The following DYTN variants were observed in gnomAD, a reference collection of about 807,000 sequenced individuals.
DYTN encodes the protein dystrotelin.
DYTN carries 75 observed loss-of-function variants against 69.6 expected under a neutral mutation model. The ratio of observed to expected loss-of-function variants is 1.08; its 90% confidence interval spans 0.89 to 1.31. DYTN has a LOEUF of 1.31. DYTN is among the 50% of genes most tolerant of loss of function. The probability of loss-of-function intolerance (pLI) is 0.00; values close to 1 mark genes in which losing one functional copy is unlikely to be tolerated. For synonymous variants in DYTN, 252 were observed against 249.1 expected (o/e 1.01, Z -0.11); for missense variants, 726 against 688.4 (o/e 1.05, Z -0.61).
rs1184904008 is a variant in DYTN at position 206,694,771 on chromosome 2, T to C, written c.826A>G (p.Ile276Val). The stretch of plus-strand genomic sequence containing the variant: ...TATGTGACATTAAATGTTACCTGAA[T>C]GCAGTGCTCAATGACAGGATGAGAC... Reference protein sequence around the residue: ...QKSHPVIEHCIQMSAMQNTKL... With the variant: ...QKSHPVIEHCVQMSAMQNTKL... The change falls in exon 8 of 12, where the codon ATT becomes GTT. Residue 276 changes from isoleucine to valine, a missense_variant. Physicochemically the swap from Ile to Val is conservative, Grantham distance 29 (BLOSUM62 3). Coordinates refer to ENST00000452335, the MANE Select transcript of DYTN (RefSeq NM_001093730.1). 5.0e-6 allele frequency: 8 copies of C among 1,604,858 alleles called. No individual in the cohort carries two copies. Among genetic ancestry groups the C allele is most frequent in the African/African-American group, 1.3e-5 (1 of 74,284 alleles).
intron 9 of DYTN, among the ~76,000 whole-genome samples, chr2:206,688,819 T>A (rs540988710): frequency 6.6e-5 from 10 of 152,314 alleles, no homozygotes; most frequent in African/African-American, 2.4e-4. Flanking sequence ...TTGGGTCTTG[T>A]ATCTTTTTTG....
chr2:206,678,763 T>C (rs1355063823), intron 9 of DYTN, among the ~76,000 whole-genome samples: 1 of 152,214 alleles, frequency 6.6e-6, no homozygotes, highest in Non-Finnish European at 1.5e-5. Context: ...AGTGGGGTAA[T>C]AGCGGATTAT....
intron 5 of DYTN, 60 bp from the exon 6 acceptor site, chr2:206,700,276 G>T: frequency 1.3e-6 from 2 of 1,594,130 alleles, no homozygotes; most frequent in South Asian, 1.1e-5. Context: ...GTCTCCGGGA[G>T]CAGCAGGGCT....
intron 9 of DYTN, among the ~76,000 whole-genome samples, chr2:206,672,613 G>A (rs1405174855): frequency 3.3e-5 from 5 of 152,196 alleles, no homozygotes; most frequent in African/African-American, 1.2e-4. Context: ...GTGGCCACTT[G>A]TCACTGGATG....
Position 206,704,916 on chromosome 2 carries a change from C to T in DYTN, c.410G>A (p.Ser137Asn), listed in dbSNP as rs200720001. Reference protein sequence around the residue: ...RALFQLYAENSRGGYDSGPRM... With the variant: ...RALFQLYAENNRGGYDSGPRM... The stretch of plus-strand genomic sequence containing the variant: ...TGGCCCAGAATCATAGCCTCCCCTG[C>T]TATTTTCTGCATAGAGTTGAAAAAG... Residue 137 changes from serine to asparagine, a missense_variant, in exon 5 of 12, where the codon AGC becomes AAC. By Grantham distance (46) the Ser-to-Asn change is conservative. Coordinates refer to ENST00000452335, the MANE Select transcript of DYTN (RefSeq NM_001093730.1). 1.0e-4 allele frequency: 169 copies of T among 1,613,748 alleles called. No homozygotes were observed. The highest frequency in any genetic ancestry group is 1.7e-4 in the Middle Eastern group (1 of 6,060).
chr2:206,666,910 G>A (rs1472009982), intron 9 of DYTN, among the ~76,000 whole-genome samples: 1 of 151,688 alleles, frequency 6.6e-6, no homozygotes, highest in Non-Finnish European at 1.5e-5. Context: ...TTAGCTGAGT[G>A]CGGTGGCACC....
chr2:206,708,205 A>G (rs920454279), intron 2 of DYTN, among the ~76,000 whole-genome samples: 10 of 152,210 alleles, frequency 6.6e-5, no homozygotes, highest in African/African-American at 2.4e-4. Context: ...ACCTTCTCCT[A>G]AAATTTTTAC....
chr2:206,687,265 T>C (rs957669715), intron 9 of DYTN: 5 of 155,816 alleles, frequency 3.2e-5, no homozygotes, highest in African/African-American at 9.6e-5. Flanking sequence ...CTACTTGATG[T>C]GGGACTGAAT....
intron 11 of DYTN, among the ~76,000 whole-genome samples, chr2:206,659,484 C>CAAAAA (rs772861150): frequency 4.6e-5 from 3 of 64,572 alleles, no homozygotes; most frequent in African/African-American, 5.7e-5. Context: ...CAACAATTCT[C>CAAAAA]AAAAAAAAAA....
chr2:206,710,885 A>AT (rs1456882844), intron 1 of DYTN, among the ~76,000 whole-genome samples: 9 of 152,222 alleles, frequency 5.9e-5, no homozygotes. Context: ...AACAAACAGG[A>AT]TAAAAAAAAC....
intron 2 of DYTN, among the ~76,000 whole-genome samples, chr2:206,709,495 G>A (rs527250043): frequency 3.6e-3 from 540 of 151,622 alleles, no homozygotes; most frequent in Middle Eastern, 0.01. Context: ...AAGCAAACAC[G>A]GTATGGAAAA....
intron 9 of DYTN, among the ~76,000 whole-genome samples, chr2:206,668,228 C>G (rs1699594800): frequency 6.6e-6 from 1 of 152,188 alleles, no homozygotes. Flanking sequence ...CTCTTTTCCT[C>G]ATGTTGTCCA....
At chr2:206,699,983 G>C (rs948125298) in intron 6 of DYTN, 93 bp from the exon 7 acceptor site, 5 of 1,547,290 alleles carry the variant, frequency 3.2e-6, no homozygotes, top group Non-Finnish European at 4.4e-6. Flanking sequence ...TTCTGCTGAA[G>C]AAGTTTATCA....
At position 206,662,975 on chromosome 2, in the gene DYTN, C is replaced by T; in HGVS notation, c.1561G>A (p.Glu521Lys). The T allele has an allele frequency of 6.2e-7, 1 of 1,613,864 alleles. No individual in the cohort carries two copies. Among genetic ancestry groups the T allele is most frequent in the Non-Finnish European group, 8.5e-7 (1 of 1,179,872 alleles). The change falls in exon 11 of 12, where the codon GAG (glutamate) becomes AAG (lysine). Residue 521 changes from glutamate to lysine, a missense_variant. Glu to Lys is a moderately conservative substitution (Grantham distance 56). Coordinates refer to ENST00000452335, the MANE Select transcript of DYTN (RefSeq NM_001093730.1). ...EAGNIKERKD[E>K]LEEEELQELL... ...TCTTGCAGTTCCTCTTCCTCCAGCTCATCCTTTCTCTCCTTGATGTTACCT... is the reference window on the plus strand; with the variant it reads ...TCTTGCAGTTCCTCTTCCTCCAGCTTATCCTTTCTCTCCTTGATGTTACCT...
Position 206,699,803 on chromosome 2 carries a change from G to C in DYTN, c.643C>G (p.Arg215Gly), listed in dbSNP as rs774273085. 6.2e-7 allele frequency: 1 copy of C among 1,613,864 alleles called. No homozygotes were observed. Among genetic ancestry groups the C allele is most frequent in the Admixed American group, 1.7e-5 (1 of 59,994 alleles). ...PILLWLPTCH[R>G]LSAAERVTHP... ...GTGACCCTTTCAGCAGCTGATAACC[G>C]GTGGCAGGTCGGGAGCCACAGGAGG... Residue 215 changes from arginine (R) to glycine (G), a missense_variant, in exon 7 of 12, where the codon CGG becomes GGG. Physicochemically the swap from Arg to Gly is moderately radical, Grantham distance 125. Coordinates refer to ENST00000452335, the MANE Select transcript of DYTN (RefSeq NM_001093730.1).
intron 11 of DYTN, among the ~76,000 whole-genome samples, chr2:206,660,048 C>T (rs1699496118): frequency 6.7e-6 from 1 of 150,096 alleles, no homozygotes; most frequent in Admixed American, 6.7e-5. Flanking sequence ...CCATTCTGCT[C>T]ATATCATAAG....
intron 9 of DYTN, among the ~76,000 whole-genome samples, chr2:206,683,008 C>A (rs577665203): frequency 3.4e-4 from 51 of 152,100 alleles, no homozygotes; most frequent in African/African-American, 1.2e-3. Context: ...AAAAAGATCA[C>A]ATAATTGGCT....
chr2:206,713,261 ATTCTC>A (rs1044877193), intron 1 of DYTN, among the ~76,000 whole-genome samples: 3 of 152,178 alleles, frequency 2.0e-5, no homozygotes, highest in African/African-American at 7.2e-5. Flanking sequence ...TTTAAAATCT[ATTCTC>A]TTAGCAATTT....
At chr2:206,709,778 A>G (rs908963840) in intron 2 of DYTN, among the ~76,000 whole-genome samples, 9 of 152,332 alleles carry the variant, frequency 5.9e-5, no homozygotes, top group Admixed American at 5.2e-4. Flanking sequence ...TTTTACGTGA[A>G]GTGATTTTTC....
Sources: allele counts gnomAD v4.1 joint callset (sites outside exome capture counted in the v4.1 genomes callset), GRCh38; gene constraint gnomAD v4.1.1; transcripts MANE v1.5; gene names NCBI Gene and HGNC (gene_info 2026-07-23, HGNC 2026-07-21).